Variants in FANCB observed in about 807,000 individuals in gnomAD.
The protein encoded by FANCB is Fanconi anemia group B protein.
FANCB carries 5 observed loss-of-function variants against 38.9 expected under a neutral mutation model. The observed-to-expected ratio is 0.13, with a 90% CI of 0.07 to 0.27. The LOEUF is 0.27. FANCB is among the 10% of genes least tolerant of loss of function. The pLI, the probability that FANCB is intolerant of heterozygous loss-of-function variation, is 1.00. For synonymous variants in FANCB, 236 were observed against 215.4 expected, an observed-to-expected ratio of 1.10 and a Z score of -0.84; for missense variants, 573 against 602.7, an observed-to-expected ratio of 0.95 and a Z score of 0.52.
the FANCB span, among the ~76,000 whole-genome samples, chrX:14,806,520 G>C: frequency 1.8e-5 from 2 of 111,627 alleles, no homozygotes; most frequent in Non-Finnish European, 3.8e-5. Flanking sequence ...TCATCTAAGG[G>C]GTGACAGGGA....
At chrX:14,742,307 T>A in the FANCB span, among the ~76,000 whole-genome samples, 1 of 111,706 alleles carries the variant, frequency 9.0e-6, no homozygotes, top group Admixed American at 9.5e-5. Flanking sequence ...AAAGGGCAGT[T>A]CCTCTCCTTT....
the FANCB span, among the ~76,000 whole-genome samples, chrX:14,691,628 C>G: frequency 8.1e-5 from 9 of 111,451 alleles, no homozygotes; most frequent in African/African-American, 2.9e-4. Flanking sequence ...ACCAACTAAA[C>G]CTCAATGTTA....
chrX:14,844,377 GGCCATGGCTCTGTATTATT>G lies in FANCB; in HGVS notation c.2165+107_2165+125del, dbSNP rs200712564. On this transcript the variant is annotated intron_variant, in intron 9 of 9. Coordinates refer to ENST00000650831, the MANE Select transcript of FANCB (RefSeq NM_001018113.3). ...GAAGCCGATGCGTTCATTCATGCTAGGCCATGGCTCTGTATTATTGCCATGGCAATAATACAAAACACAT... is the reference window on the plus strand; with the variant it reads ...GAAGCCGATGCGTTCATTCATGCTAGGCCATGGCAATAATACAAAACACAT... The G allele has an allele frequency of 1.1e-5, 6 of 547,209 alleles. No individual in the cohort carries two copies. In the East Asian group the frequency reaches 1.3e-4, roughly 12 times the overall value. 45.1% of individuals were successfully genotyped at this position (547,209 alleles called of 1,213,427 possible).
At chrX:14,751,612 A>C in the FANCB span, among the ~76,000 whole-genome samples, 5 of 111,869 alleles carry the variant, frequency 4.5e-5, no homozygotes, top group Admixed American at 4.7e-4. Flanking sequence ...TTACATCAAT[A>C]AAAAGTGTTT....
the FANCB span, among the ~76,000 whole-genome samples, chrX:14,745,915 T>C: frequency 9.2e-6 from 1 of 108,980 alleles, no homozygotes; most frequent in Non-Finnish European, 1.9e-5. Context: ...TTAGCCAGGA[T>C]GGTCTCGATC....
intron 5 of FANCB, among the ~76,000 whole-genome samples, chrX:14,854,929 TTG>T (rs1201466574): frequency 8.9e-6 from 1 of 111,956 alleles, no homozygotes; most frequent in Admixed American, 9.5e-5. Context: ...TTTAAGTTTT[TTG>T]TGTGTTTTGC....
At chrX:14,782,940 G>A in the FANCB span, among the ~76,000 whole-genome samples, 3 of 111,139 alleles carry the variant, frequency 2.7e-5, no homozygotes, top group Admixed American at 9.6e-5. Flanking sequence ...GCCATATTCT[G>A]AGTAGCAAGG....
the FANCB span, among the ~76,000 whole-genome samples, chrX:14,737,790 T>A: frequency 2.7e-5 from 3 of 112,582 alleles, no homozygotes; most frequent in Admixed American, 2.8e-4. Context: ...GCATCATTTT[T>A]AAAATACTGT....
At chrX:14,813,891 A>G in the FANCB span, among the ~76,000 whole-genome samples, 1 of 111,761 alleles carries the variant, frequency 8.9e-6, no homozygotes, top group South Asian at 3.7e-4. Context: ...CAAAAGAACA[A>G]AGCTGGAGGC....
the FANCB span, among the ~76,000 whole-genome samples, chrX:14,788,704 T>C: frequency 8.9e-6 from 1 of 112,331 alleles, no homozygotes; most frequent in Non-Finnish European, 1.9e-5. Flanking sequence ...ACATGGAAAT[T>C]GAATAAAACA....
At chrX:14,823,071 C>T in the FANCB span, among the ~76,000 whole-genome samples, 1 of 92,961 alleles carries the variant, frequency 1.1e-5, no homozygotes, top group Non-Finnish European at 2.1e-5. Flanking sequence ...TTTTTGCCTA[C>T]CCTTTTACTT....
chrX:14,792,267 C>A, the FANCB span, among the ~76,000 whole-genome samples: 1 of 111,130 alleles, frequency 9.0e-6, no homozygotes, highest in African/African-American at 3.3e-5. Flanking sequence ...GATATGTGCA[C>A]AAATTAATGA....
intron 3 of FANCB, among the ~76,000 whole-genome samples, chrX:14,862,948 A>G (rs1457910236): frequency 1.8e-5 from 2 of 112,394 alleles, no homozygotes; most frequent in Admixed American, 9.4e-5. Context: ...ATTTCTTTAA[A>G]GGAAAAGAGA....
Position 14,850,599 on chromosome X carries a change from A to T in FANCB, c.1402T>A (p.Phe468Ile), listed in dbSNP as rs374559250. 1 of 1,190,000 alleles carries T rather than the reference A, an allele frequency of 8.4e-7. No individual in the cohort carries two copies. The highest frequency in any genetic ancestry group is 1.1e-6 in the Non-Finnish European group (1 of 875,846). Residue 468 changes from phenylalanine to isoleucine, a missense_variant, in exon 7 of 10, where the codon TTT becomes ATT. Phe to Ile is a conservative substitution (Grantham distance 21). Coordinates refer to ENST00000650831, the MANE Select transcript of FANCB (RefSeq NM_001018113.3). ...HILDEKLSDN[F>I]QDSEQLVEKI... ...TCTACTAGCTGTTCTGAATCTTGAA[A>T]ATTGTCTGATAACTTTTCATCTAAG... is the stretch of plus-strand genomic sequence containing the variant.
At chrX:14,765,563 A>G in the FANCB span, among the ~76,000 whole-genome samples, 8 of 112,408 alleles carry the variant, frequency 7.1e-5, no homozygotes, top group Non-Finnish European at 1.3e-4. Context: ...TATTAATGAA[A>G]TGCCTCAGCA....
the FANCB span, among the ~76,000 whole-genome samples, chrX:14,805,629 A>C: frequency 8.9e-6 from 1 of 112,183 alleles, no homozygotes; most frequent in Non-Finnish European, 1.9e-5. Flanking sequence ...CTGCCTCAGC[A>C]CAGGCATTTT....
chrX:14,785,832 T>C, the FANCB span, among the ~76,000 whole-genome samples: 1 of 111,398 alleles, frequency 9.0e-6, no homozygotes, highest in East Asian at 2.8e-4. Context: ...CTGTCTGACC[T>C]TTACCTCCCC....
At chrX:14,758,978 C>T in the FANCB span, among the ~76,000 whole-genome samples, 43 of 110,876 alleles carry the variant, frequency 3.9e-4, no homozygotes, top group African/African-American at 1.3e-3. Context: ...AAAAAAATTA[C>T]AAGATATGAA....
chrX:14,777,212 T>C, the FANCB span, among the ~76,000 whole-genome samples: 97 of 112,123 alleles, frequency 8.7e-4, no homozygotes, highest in African/African-American at 3.0e-3. Context: ...ACTCAACTCG[T>C]AAAGATTCAA....
Sources: gnomAD v4.1 joint callset for allele counts (sites outside exome capture counted in the v4.1 genomes callset) on GRCh38, gnomAD v4.1.1 for gene constraint, MANE v1.5 for transcripts, NCBI Gene and HGNC (gene_info 2026-07-23, HGNC 2026-07-21) for gene names.